Variants in CMPK1 observed in about 807,000 individuals in gnomAD.
CMPK1 encodes cytidine/uridine monophosphate kinase 1.
In CMPK1, 10 loss-of-function variants were observed where a neutral mutation model predicts 25.7. The ratio of observed to expected loss-of-function variants is 0.39; its 90% CI spans 0.24 to 0.66. CMPK1 has a LOEUF of 0.66. CMPK1 is among the 30% of genes least tolerant of loss of function. The probability of loss-of-function intolerance (pLI) is 0.48; values close to 1 mark genes in which losing one functional copy is unlikely to be tolerated. For missense variants in CMPK1, 199 were observed against 280.5 expected (o/e 0.71, Z 2.08); for synonymous variants, 106 against 101.5 (o/e 1.04, Z -0.27).
intron 1 of CMPK1, among the ~76,000 whole-genome samples, chr1:47,337,636 C>G (rs1327324575): frequency 6.8e-6 from 1 of 146,184 alleles, no homozygotes; most frequent in Admixed American, 6.9e-5. Flanking sequence ...TTTTTTGAGA[C>G]GAAGTGTCAC....
chr1:47,334,230 C>T (rs1646378728), intron 1 of CMPK1, 114 bp downstream of exon 1: 4 of 1,019,776 alleles, frequency 3.9e-6, no homozygotes, highest in Non-Finnish European at 3.7e-6. Flanking sequence ...CTACGAGTCC[C>T]GGCGGCCACC....
At chr1:47,342,842 G>T (rs1232534403) in intron 1 of CMPK1, among the ~76,000 whole-genome samples, 20 of 151,228 alleles carry the variant, frequency 1.3e-4, no homozygotes, top group Non-Finnish European at 2.4e-4. Context: ...TAGAGATGGG[G>T]TTTCACCATG....
At chr1:47,343,204 C>A (rs1646454669) in intron 1 of CMPK1, among the ~76,000 whole-genome samples, 3 of 150,538 alleles carry the variant, frequency 2.0e-5, no homozygotes, top group Admixed American at 2.0e-4. Context: ...TCAGGCTGGT[C>A]TTGAACTCCA....
In CMPK1 at chr1:47,368,434, A is replaced by C. The variant is rs558486406; in HGVS notation, c.172-35A>C. The C allele has an allele frequency of 1.9e-6, 3 of 1,556,524 alleles. No homozygotes were observed. The East Asian group carries it at 7.0e-5, about 36-fold the overall frequency. ...TATAGTCCTACCACTGGGTTGAATG[A>C]ATTCTGATATTTTTCCTATGTGTGC... On this transcript the variant is annotated intron_variant, in intron 1 of 5. Coordinates refer to ENST00000371873, the MANE Select transcript of CMPK1 (RefSeq NM_016308.3).
At chr1:47,358,908 G>A in intron 1 of CMPK1, 1 of 985,366 alleles carries the variant, frequency 1.0e-6, no homozygotes, top group Non-Finnish European at 1.2e-6. Flanking sequence ...TTCATGAAGA[G>A]GATCTTTACA....
chr1:47,368,242 C>A (rs1646653170), intron 1 of CMPK1, among the ~76,000 whole-genome samples: 1 of 152,034 alleles, frequency 6.6e-6, no homozygotes, highest in South Asian at 2.1e-4. Context: ...CTACGCCCAG[C>A]CAGGATATAT....
intron 1 of CMPK1, among the ~76,000 whole-genome samples, chr1:47,357,198 G>C (rs563610138): frequency 2.7e-4 from 41 of 151,542 alleles, no homozygotes; most frequent in African/African-American, 9.4e-4. Flanking sequence ...CTTCTGACCT[G>C]GTGATCTGCC....
At chr1:47,359,009 T>A in intron 1 of CMPK1, 1 of 926,306 alleles carries the variant, frequency 1.1e-6, no homozygotes, top group Non-Finnish European at 1.3e-6. Flanking sequence ...TAATGTTATT[T>A]ACCTTTTTAT....
intron 1 of CMPK1, among the ~76,000 whole-genome samples, chr1:47,338,352 C>T (rs963180898): frequency 5.9e-5 from 9 of 152,098 alleles, no homozygotes; most frequent in African/African-American, 1.9e-4. Context: ...GCAAATTGCT[C>T]CTGGAGACCT....
chr1:47,365,517 C>T (rs1005983018), intron 1 of CMPK1, among the ~76,000 whole-genome samples: 4 of 150,824 alleles, frequency 2.7e-5, no homozygotes, highest in Admixed American at 2.0e-4. Flanking sequence ...ACCACTAGTC[C>T]CAGCTACTCG....
chr1:47,334,993 T>C (rs1276102633), intron 1 of CMPK1, among the ~76,000 whole-genome samples: 34 of 152,170 alleles, frequency 2.2e-4, no homozygotes, highest in Admixed American at 2.2e-3. Flanking sequence ...TTGAGCTAGA[T>C]GTATGGTTGG....
At chr1:47,367,592 A>G (rs893825554) in intron 1 of CMPK1, among the ~76,000 whole-genome samples, 4 of 152,236 alleles carry the variant, frequency 2.6e-5, no homozygotes, top group Admixed American at 6.5e-5. Context: ...TGAAAACTCC[A>G]TTGAGGGAGT....
intron 1 of CMPK1, among the ~76,000 whole-genome samples, chr1:47,339,076 C>T (rs1258322927): frequency 2.0e-5 from 3 of 146,916 alleles, no homozygotes; most frequent in South Asian, 2.1e-4. Context: ...GAGAGGGTCT[C>T]ACTCTGTTGC....
At chr1:47,375,143 A>C in intron 4 of CMPK1, 54 bp from the exon 5 acceptor site, 1 of 1,397,414 alleles carries the variant, frequency 7.2e-7, no homozygotes, top group South Asian at 1.2e-5. Context: ...CTCCTATAAC[A>C]TGTAGAAGAA....
chr1:47,348,878 C>G (rs912159156), intron 1 of CMPK1, among the ~76,000 whole-genome samples: 3 of 152,248 alleles, frequency 2.0e-5, no homozygotes, highest in Admixed American at 2.0e-4. Flanking sequence ...TTGGTGCCTA[C>G]TGGGAGTATA....
intron 1 of CMPK1, among the ~76,000 whole-genome samples, chr1:47,335,653 A>G (rs967326843): frequency 2.6e-5 from 4 of 151,958 alleles, no homozygotes; most frequent in African/African-American, 7.3e-5. Flanking sequence ...AAAAAAAAAA[A>G]AAAAATCATT....
Position 47,350,410 on chromosome 1 carries a change from G to A in CMPK1, c.171+16294G>A, listed in dbSNP as rs573179872. Among the ~76,000 whole-genome samples the A allele has an allele frequency of 2.6e-3, 398 of 152,160 alleles. 1 individual carries two copies. Among genetic ancestry groups the A allele is most frequent in the Non-Finnish European group, 4.7e-3 (321 of 68,002 alleles). ...ACTTGGGGCCAATTTATGGGTTGAG[G>A]TTGGGGAGGGGGTGTTGTTTTGGTA... On this transcript the variant is annotated intron_variant, in intron 1 of 5. Transcript: ENST00000371873.
At chr1:47,334,970 C>A (rs1646385571) in intron 1 of CMPK1, among the ~76,000 whole-genome samples, 2 of 152,098 alleles carry the variant, frequency 1.3e-5, no homozygotes. Flanking sequence ...CAGTTCAATT[C>A]TTTTAACAAT....
At chr1:47,361,691 T>C (rs1273425088) in intron 1 of CMPK1, among the ~76,000 whole-genome samples, 1 of 151,426 alleles carries the variant, frequency 6.6e-6, no homozygotes, top group African/African-American at 2.4e-5. Flanking sequence ...GCCCCGGACC[T>C]GTAAGCAACT....
Sources: allele counts gnomAD v4.1 joint callset (sites outside exome capture counted in the v4.1 genomes callset), GRCh38; gene constraint gnomAD v4.1.1; transcripts MANE v1.5; gene names NCBI Gene and HGNC (gene_info 2026-07-23, HGNC 2026-07-21).